Variants in LARP1B observed in about 807,000 individuals in gnomAD.
The protein encoded by LARP1B is la-related protein 1B.
A neutral mutation model predicts 114.2 loss-of-function variants in LARP1B; 76 were observed. The observed-to-expected ratio is 0.67, with a 90% CI of 0.55 to 0.81. The LOEUF (loss-of-function observed/expected upper bound fraction) is 0.81, where lower values mean the gene tolerates loss of function less well. Ranked by LOEUF, LARP1B falls within the 30% of genes least tolerant of loss-of-function variation. LARP1B has a pLI of 0.00. For synonymous variants in LARP1B, 345 were observed against 348.0 expected (o/e 0.99, Z 0.10); for missense variants, 1,014 against 1,075.8 (o/e 0.94, Z 0.80).
chr4:128,069,958 G>A (rs948818704), intron 1 of LARP1B, among the ~76,000 whole-genome samples: 23 of 152,070 alleles, frequency 1.5e-4, no homozygotes, highest in Non-Finnish European at 1.6e-4. Flanking sequence ...TTTTAAGTAA[G>A]TTATATAGAA....
At chr4:128,108,240 C>T in intron 9 of LARP1B, 5 of 1,127,376 alleles carry the variant, frequency 4.4e-6, no homozygotes, top group African/African-American at 1.6e-5. Context: ...ATTATGTTTT[C>T]TGTTTCCAGG....
intron 11 of LARP1B, among the ~76,000 whole-genome samples, chr4:128,141,441 A>G (rs1728056835): frequency 6.6e-6 from 1 of 152,202 alleles, no homozygotes; most frequent in Non-Finnish European, 1.5e-5. Flanking sequence ...TTGCTTGTGT[A>G]GAAACTCAAA....
At chr4:128,077,711 G>A (rs1768564535) in intron 3 of LARP1B, 77 bp from the exon 4 acceptor site, 1 of 1,404,286 alleles carries the variant, frequency 7.1e-7, no homozygotes, top group African/African-American at 1.4e-5. Context: ...TTTAGGTTAG[G>A]TATATTGCCA....
At chr4:128,092,681 C>T in intron 7 of LARP1B, 1 of 714,158 alleles carries the variant, frequency 1.4e-6, no homozygotes, top group Non-Finnish European at 1.7e-6. Context: ...TTATCATCAT[C>T]AGCCAGGCAC....
In LARP1B at chr4:128,131,017, A is replaced by G. The variant is rs571075160; in HGVS notation, c.1524+8829A>G. Among the ~76,000 whole-genome samples, 19 of 152,356 alleles carry G rather than the reference A, an allele frequency of 1.2e-4. No individual in the cohort carries two copies. The East Asian group carries it at 2.3e-3, about 19-fold the overall frequency. On this transcript the variant is annotated intron_variant, in intron 11 of 19. Transcript: ENST00000326639. ...ACAGTAAAAAGATCAGTGATTGCCAATGGTTGGAAGGGGAAGAGATGAATG... is the reference window on the plus strand; with the variant it reads ...ACAGTAAAAAGATCAGTGATTGCCAGTGGTTGGAAGGGGAAGAGATGAATG...
At chr4:128,141,773 C>T (rs1443652420) in intron 11 of LARP1B, among the ~76,000 whole-genome samples, 1 of 152,098 alleles carries the variant, frequency 6.6e-6, no homozygotes, top group Non-Finnish European at 1.5e-5. Flanking sequence ...GAAAGCGTAC[C>T]TCTAGTGGCT....
intron 1 of LARP1B, chr4:128,062,332 C>T (rs968113497): frequency 1.1e-6 from 1 of 923,486 alleles, no homozygotes; most frequent in Non-Finnish European, 1.3e-6. Context: ...CGGCAGGCCT[C>T]CCCTCCCTGT....
At chr4:128,069,994 C>T (rs929817570) in intron 1 of LARP1B, among the ~76,000 whole-genome samples, 1 of 152,026 alleles carries the variant, frequency 6.6e-6, no homozygotes, top group Non-Finnish European at 1.5e-5. Flanking sequence ...ATTCTCCTTA[C>T]AAAAATGAAA....
chr4:128,178,999 G>A lies in LARP1B; in HGVS notation c.1896+357G>A, dbSNP rs543253512. 2.6e-5 allele frequency among the ~76,000 whole-genome samples: 4 copies of A among 152,238 alleles called. 1 individual carries two copies. In the South Asian group the frequency reaches 6.2e-4, roughly 24 times the overall value. On this transcript the variant is annotated intron_variant, in intron 14 of 19. Transcript: ENST00000326639. ...CCCAGCTACTTGGGAGGCTGAGGTG[G>A]CAGGATTGCTTGAGCCTGTAGGGGT...
intron 8 of LARP1B, among the ~76,000 whole-genome samples, chr4:128,104,667 A>C (rs547311066): frequency 4.6e-5 from 7 of 151,690 alleles, no homozygotes; most frequent in Non-Finnish European, 1.0e-4. Flanking sequence ...GCTGGTCTTG[A>C]ACTCCTGATC....
rs1320320988 is a variant in LARP1B at position 128,065,249 on chromosome 4, A to AT, written c.-78+3850dup. 1.7e-3 allele frequency among the ~76,000 whole-genome samples: 167 copies of AT among 96,134 alleles called. 1 individual carries two copies. The highest frequency in any genetic ancestry group is 3.5e-3 in the African/African-American group (90 of 25,814). The allele number at this position is 96,134 out of a possible 152,430, so 63.1% of individuals were successfully genotyped here. A position where few individuals can be genotyped will look rare whatever the true frequency, so the allele number is the denominator to read the frequency against. ...ACTGACTCTGCACTGTTCTCCCACA[A>AT]TTAATTTCTTTCTTTCTTTCTTTCT... On this transcript the variant is annotated intron_variant, in intron 1 of 19. Transcript: ENST00000326639.
At chr4:128,149,442 G>GTA (rs1731713925) in intron 11 of LARP1B, among the ~76,000 whole-genome samples, 1 of 152,134 alleles carries the variant, frequency 6.6e-6, no homozygotes, top group African/African-American at 2.4e-5. Context: ...CCCACTTATA[G>GTA]TAATCCAAGG....
intron 11 of LARP1B, among the ~76,000 whole-genome samples, chr4:128,159,950 G>A (rs766700055): frequency 1.6e-4 from 25 of 152,216 alleles, no homozygotes; most frequent in Admixed American, 1.0e-3. Flanking sequence ...GCTATAATCT[G>A]AGAAAGGACC....
chr4:128,187,786 T>A (rs1257312354), intron 15 of LARP1B, among the ~76,000 whole-genome samples: 5 of 152,120 alleles, frequency 3.3e-5, no homozygotes, highest in Non-Finnish European at 1.5e-5. Context: ...TGGGGCCTGG[T>A]GGGAGGTGAT....
At chr4:128,110,790 C>T (rs1325980672) in intron 9 of LARP1B, among the ~76,000 whole-genome samples, 1 of 151,314 alleles carries the variant, frequency 6.6e-6, no homozygotes, top group Non-Finnish European at 1.5e-5. Flanking sequence ...CTTGTCTTAC[C>T]CAAATTCTTT....
chr4:128,062,893 C>T (rs1449929774), intron 1 of LARP1B, among the ~76,000 whole-genome samples: 1 of 151,616 alleles, frequency 6.6e-6, no homozygotes, highest in African/African-American at 2.4e-5. Flanking sequence ...TGCACATGTA[C>T]CCTAAAACTT....
intron 4 of LARP1B, among the ~76,000 whole-genome samples, chr4:128,078,849 C>T (rs1490618742): frequency 1.3e-5 from 2 of 152,058 alleles, no homozygotes; most frequent in African/African-American, 4.8e-5. Flanking sequence ...TTGTCAGTGA[C>T]TGAAGCAAGG....
chr4:128,073,178 C>T (rs1261562658), intron 1 of LARP1B, among the ~76,000 whole-genome samples: 1 of 151,892 alleles, frequency 6.6e-6, no homozygotes, highest in Non-Finnish European at 1.5e-5. Flanking sequence ...CTTTGGGAGG[C>T]CGAGGTGGGC....
At chr4:128,123,795 A>G (rs1289163087) in intron 11 of LARP1B, 1 of 564,742 alleles carries the variant, frequency 1.8e-6, no homozygotes, top group Non-Finnish European at 2.2e-6. Flanking sequence ...AGCCAACTTG[A>G]GAAACATCCT....
Sources: gnomAD v4.1 joint callset for allele counts (sites outside exome capture counted in the v4.1 genomes callset) on GRCh38, gnomAD v4.1.1 for gene constraint, MANE v1.5 for transcripts, NCBI Gene and HGNC (gene_info 2026-07-23, HGNC 2026-07-21) for gene names.